Variants in ITGA8 observed in about 807,000 individuals in gnomAD.
The protein encoded by ITGA8 is integrin alpha-8.
ITGA8 carries 91 observed loss-of-function variants against 142.3 expected under a neutral mutation model. The observed-to-expected ratio is 0.64, with a 90% CI of 0.54 to 0.76. The LOEUF (loss-of-function observed/expected upper bound fraction) is 0.76, where lower values mean the gene tolerates loss of function less well. ITGA8 is among the 30% of genes least tolerant of loss of function. The probability of loss-of-function intolerance (pLI) is 0.00; values close to 1 mark genes in which losing one functional copy is unlikely to be tolerated. For missense variants in ITGA8, 1,406 were observed against 1,327.7 expected (o/e 1.06, Z -0.92); for synonymous variants, 505 against 485.2 (o/e 1.04, Z -0.54).
At position 15,691,045 on chromosome 10, in the gene ITGA8, T is replaced by C. The variant is rs191629641; in HGVS notation, c.344-3007A>G. On this transcript the variant is annotated intron_variant, in intron 2 of 29. Coordinates refer to ENST00000378076, the MANE Select transcript of ITGA8 (RefSeq NM_003638.3). ...TTAGTCAAAGGGCCTGGACAGATAT[T>C]TTATGAAAGAAGGCATACAAACGGC... 1.0e-3 allele frequency among the ~76,000 whole-genome samples: 152 copies of C among 152,252 alleles called. 1 individual carries two copies. The highest frequency in any genetic ancestry group is 3.4e-3 in the African/African-American group (142 of 41,536).
chr10:15,652,778 C>T (rs1442931811), intron 11 of ITGA8, among the ~76,000 whole-genome samples: 2 of 152,328 alleles, frequency 1.3e-5, no homozygotes, highest in South Asian at 2.1e-4. Context: ...AATCTCCCTC[C>T]ACTGCTATTG....
chr10:15,642,808 A>G (rs976753686), intron 13 of ITGA8, among the ~76,000 whole-genome samples: 3 of 152,164 alleles, frequency 2.0e-5, no homozygotes, highest in African/African-American at 7.2e-5. Context: ...CCCAGAGGAG[A>G]GAAGAAAGCC....
At chr10:15,566,884 G>A (rs1318573244) in intron 25 of ITGA8, among the ~76,000 whole-genome samples, 1 of 136,394 alleles carries the variant, frequency 7.3e-6, no homozygotes, top group Non-Finnish European at 1.6e-5. Context: ...AGGCTGAGGA[G>A]TGCTGGGATT....
chr10:15,681,301 G>A (rs956762235), intron 4 of ITGA8, among the ~76,000 whole-genome samples: 1 of 142,168 alleles, frequency 7.0e-6, no homozygotes, highest in Admixed American at 6.9e-5. Context: ...TCTTGGCCAT[G>A]ACGGGAAGTC....
chr10:15,540,181 A>T, intron 27 of ITGA8, among the ~76,000 whole-genome samples: 1 of 152,180 alleles, frequency 6.6e-6, no homozygotes, highest in Non-Finnish European at 1.5e-5. Context: ...TTTGAAATAG[A>T]CAATAAATTA....
At chr10:15,554,718 CCTTTCTTTCTTTCTTT>C (rs140932453) in intron 26 of ITGA8, among the ~76,000 whole-genome samples, 3 of 148,946 alleles carry the variant, frequency 2.0e-5, no homozygotes, top group East Asian at 2.0e-4. Flanking sequence ...CTTTGCAAAT[CCTTTCTTTCTTTCTTT>C]CTTTCTTTCT....
intron 2 of ITGA8, among the ~76,000 whole-genome samples, chr10:15,693,125 A>T (rs549197807): frequency 6.6e-6 from 1 of 152,172 alleles, no homozygotes; most frequent in Non-Finnish European, 1.5e-5. Flanking sequence ...TTCACTCTTG[A>T]TTGCACATTC....
At chr10:15,668,041 G>A (rs1834430878) in intron 8 of ITGA8, among the ~76,000 whole-genome samples, 1 of 152,186 alleles carries the variant, frequency 6.6e-6, no homozygotes, top group Non-Finnish European at 1.5e-5. Flanking sequence ...AGGTCCACTT[G>A]GTGCAGAGCT....
intron 26 of ITGA8, among the ~76,000 whole-genome samples, chr10:15,552,092 C>T (rs1030182093): frequency 3.3e-5 from 5 of 151,954 alleles, no homozygotes; most frequent in African/African-American, 4.8e-5. Flanking sequence ...ACTAATGAGA[C>T]ATACCCTGAA....
rs1486814961 is a variant in ITGA8, at chr10:15,515,298, C to T, written c.*1860G>A. 1 of 152,326 alleles carries T rather than the reference C, an allele frequency of 6.6e-6. No individual in the cohort carries two copies. The highest frequency in any genetic ancestry group is 1.5e-5 in the Non-Finnish European group (1 of 68,148). 9.4% of individuals were successfully genotyped at this position (152,326 alleles called of 1,614,324 possible). ...CTCATCCGTAGTCAGCCACACAAACCAGCCTTGAGCTCCTGACCGACCCGA... is the reference window on the plus strand; with the variant it reads ...CTCATCCGTAGTCAGCCACACAAACTAGCCTTGAGCTCCTGACCGACCCGA... On this transcript the variant is annotated 3_prime_UTR_variant, in exon 30 of 30. Coordinates refer to ENST00000378076, the MANE Select transcript of ITGA8 (RefSeq NM_003638.3).
intron 9 of ITGA8, among the ~76,000 whole-genome samples, chr10:15,659,275 C>T (rs193250404): frequency 7.3e-5 from 11 of 151,162 alleles, no homozygotes; most frequent in Admixed American, 3.9e-4. Context: ...TCAGAAAAAA[C>T]GCATGCTTAT....
At chr10:15,643,987 TCAGGACGTAGACTCTC>T (rs756948870) in intron 13 of ITGA8, 27 bp downstream of exon 13, 2 of 1,544,200 alleles carry the variant, frequency 1.3e-6, no homozygotes, top group Non-Finnish European at 1.8e-6. Context: ...GGACTCTATT[TCAGGACGTAGACTCTC>T]ACGTGGGAAA....
At chr10:15,631,341 A>C (rs1213492554) in intron 13 of ITGA8, among the ~76,000 whole-genome samples, 2 of 152,022 alleles carry the variant, frequency 1.3e-5, no homozygotes. Context: ...GATAGACTGG[A>C]TAAAGAAAAT....
intron 15 of ITGA8, among the ~76,000 whole-genome samples, chr10:15,610,907 G>A (rs78580320): frequency 0.054 from 8,208 of 152,052 alleles, 370 homozygotes; most frequent in African/African-American, 0.11. Context: ...TTTTCTTTTT[G>A]TAATTGGTTA....
chr10:15,517,040 C>CGTG lies in ITGA8; in HGVS notation c.*117_*118insCAC. The CGTG allele has an allele frequency of 1.9e-6, 1 of 530,992 alleles. No homozygotes were observed. Among genetic ancestry groups the CGTG allele is most frequent in the Non-Finnish European group, 3.0e-6 (1 of 332,432 alleles). 32.9% of individuals were successfully genotyped at this position (530,992 alleles called of 1,614,324 possible). On this transcript the variant is annotated 3_prime_UTR_variant, in exon 30 of 30. Coordinates refer to ENST00000378076, the MANE Select transcript of ITGA8 (RefSeq NM_003638.3). Reference sequence around the variant, plus strand: ...GATGAGGTGATGTTTCCAGGGTCCCCTCCATTTCCTGGGTCACTGTCAGGT... The same window carrying CGTG: ...GATGAGGTGATGTTTCCAGGGTCCCCGTGTCCATTTCCTGGGTCACTGTCAGGT...
chr10:15,558,180 G>A lies in ITGA8; in HGVS notation c.2660C>T (p.Thr887Ile), dbSNP rs1170284466. The A allele has an allele frequency of 1.9e-6, 3 of 1,614,076 alleles. No individual in the cohort carries two copies. Among genetic ancestry groups the A allele is most frequent in the East Asian group, 2.2e-5 (1 of 44,896 alleles). The change falls in exon 26 of 30, where the codon ACC becomes ATC. Residue 887 changes from threonine (T) to isoleucine (I), a missense_variant. By Grantham distance (89) the Thr-to-Ile change is moderately conservative. Transcript: ENST00000378076. The part of the protein sequence containing the change: ...DIKPAASPED[T>I]PELSAFLRNS... ...TCGCAAAAAGGCGCTGAGCTCAGGG[G>A]TGTCCTCTGGGGAGGCAGCAGGCTG...
In ITGA8 at chr10:15,644,451, T is replaced by C. The variant is rs1304121039; in HGVS notation, c.1208-230A>G. On this transcript the variant is annotated intron_variant, in intron 12 of 29. Transcript: ENST00000378076. ...TCAGGCTAATATATATATATATATA[T>C]ATATATATATATATATATATATATA... Among the ~76,000 whole-genome samples, 21 of 3,124 alleles carry C rather than the reference T, an allele frequency of 6.7e-3. 2 individuals are homozygous for C. Among genetic ancestry groups the C allele is most frequent in the South Asian group, 0.062 (1 of 16 alleles). The allele number at this position is 3,124 out of a possible 152,430, so 2.0% of individuals were successfully genotyped here. A position where few individuals can be genotyped will look rare whatever the true frequency, so the allele number is the denominator to read the frequency against.
In ITGA8 at chr10:15,685,626, C is replaced by T. The variant is rs150863941; in HGVS notation, c.445-1499G>A. 2.8e-3 allele frequency among the ~76,000 whole-genome samples: 434 copies of T among 152,292 alleles called. 2 individuals carry two copies. Among genetic ancestry groups the T allele is most frequent in the African/African-American group, 9.8e-3 (409 of 41,554 alleles). On this transcript the variant is annotated intron_variant, in intron 3 of 29. Transcript: ENST00000378076. ...TGTCATATCAGAAACTGATTTGATG[C>T]CTCATCCATGCCTTTTCATTTTCAG...
At chr10:15,692,909 A>T (rs1834961460) in intron 2 of ITGA8, among the ~76,000 whole-genome samples, 1 of 152,120 alleles carries the variant, frequency 6.6e-6, no homozygotes, top group Non-Finnish European at 1.5e-5. Context: ...CTCTACTAAA[A>T]ATACAAACAT....
Sources: allele counts gnomAD v4.1 joint callset (sites outside exome capture counted in the v4.1 genomes callset), GRCh38; gene constraint gnomAD v4.1.1; transcripts MANE v1.5; gene names NCBI Gene and HGNC (gene_info 2026-07-23, HGNC 2026-07-21).